KLF13: variants seen among roughly 807,000 people sequenced by gnomAD.
KLF13 encodes Krueppel-like factor 13.
A neutral mutation model predicts 16.7 loss-of-function variants in KLF13; 8 were observed. That is an observed-to-expected ratio of 0.48 (90% confidence interval 0.28 to 0.87). The LOEUF is 0.87. Ranked by LOEUF, KLF13 falls within the 40% of genes least tolerant of loss-of-function variation. The pLI, the probability that KLF13 is intolerant of heterozygous loss-of-function variation, is 0.10. For missense variants in KLF13, 447 were observed against 452.2 expected, an observed-to-expected ratio of 0.99 and a Z score of 0.10; for synonymous variants, 245 against 208.4, an observed-to-expected ratio of 1.18 and a Z score of -1.51.
At chr15:31,364,385 G>T (rs1365235141) in intron 1 of KLF13, among the ~76,000 whole-genome samples, 1 of 152,230 alleles carries the variant, frequency 6.6e-6, no homozygotes, top group Non-Finnish European at 1.5e-5. Flanking sequence ...GCCAGCTCTT[G>T]CATGTGAAGA....
At chr15:31,365,755 T>G (rs572518434) in intron 1 of KLF13, among the ~76,000 whole-genome samples, 11 of 152,172 alleles carry the variant, frequency 7.2e-5, no homozygotes, top group African/African-American at 2.6e-4. Flanking sequence ...GAGCTCAGGC[T>G]TTGAGCTGGA....
chr15:31,332,756 C>CA (rs562875927), intron 1 of KLF13, among the ~76,000 whole-genome samples: 36 of 152,268 alleles, frequency 2.4e-4, no homozygotes, highest in Admixed American at 2.2e-3. Context: ...TGGGGAAGGG[C>CA]AAAAGACATG....
At chr15:31,352,186 G>A (rs2039227592) in intron 1 of KLF13, among the ~76,000 whole-genome samples, 2 of 152,216 alleles carry the variant, frequency 1.3e-5, no homozygotes, top group Admixed American at 6.5e-5. Context: ...AGACTGTTCC[G>A]AATAGGCCTC....
At chr15:31,392,401 G>A (rs906904228), upstream of KLF13, among the ~76,000 whole-genome samples, 2 of 152,196 alleles carry the variant, frequency 1.3e-5, no homozygotes, top group African/African-American at 4.8e-5. Context: ...GGGACGGGGC[G>A]GCGGTGCTGA....
intron 1 of KLF13, among the ~76,000 whole-genome samples, chr15:31,358,574 T>C (rs895740705): frequency 6.6e-6 from 1 of 152,242 alleles, no homozygotes; most frequent in African/African-American, 2.4e-5. Context: ...TCAGATCTTT[T>C]GTTCATTTTT....
chr15:31,357,518 G>A (rs2039318142), intron 1 of KLF13, among the ~76,000 whole-genome samples: 1 of 152,238 alleles, frequency 6.6e-6, no homozygotes, highest in South Asian at 2.1e-4. Flanking sequence ...CAAGAGGAGT[G>A]TTCTGCTCCT....
chr15:31,380,702 A>G (rs963398932), downstream of KLF13, among the ~76,000 whole-genome samples: 1 of 151,960 alleles, frequency 6.6e-6, no homozygotes, highest in African/African-American at 2.4e-5. Flanking sequence ...CATTGGCACC[A>G]CTCCTAAAAA....
intron 1 of KLF13, among the ~76,000 whole-genome samples, chr15:31,355,154 GAAACA>G (rs2039280855): frequency 6.6e-6 from 1 of 152,154 alleles, no homozygotes; most frequent in African/African-American, 2.4e-5. Flanking sequence ...AACAACAACC[GAAACA>G]ATCAACAGTG....
At chr15:31,345,498 G>C (rs2039099908) in intron 1 of KLF13, among the ~76,000 whole-genome samples, 1 of 152,238 alleles carries the variant, frequency 6.6e-6, no homozygotes, top group African/African-American at 2.4e-5. Context: ...AGTGAGCACC[G>C]CGTGCCTAGC....
At chr15:31,386,127 A>G (rs778833479) in intron 1 of KLF13, among the ~76,000 whole-genome samples, 2 of 152,228 alleles carry the variant, frequency 1.3e-5, no homozygotes, top group Non-Finnish European at 2.9e-5. Flanking sequence ...TTTCAATTCT[A>G]CAAAGGCTAA....
chr15:31,368,376 G>C (rs1037863854), intron 1 of KLF13, among the ~76,000 whole-genome samples: 1 of 152,080 alleles, frequency 6.6e-6, no homozygotes, highest in Admixed American at 6.5e-5. Context: ...TCCAAGAGTG[G>C]AATTATCATG....
chr15:31,419,071 A>C (rs1223734949), intron 1 of KLF13, among the ~76,000 whole-genome samples: 1 of 152,216 alleles, frequency 6.6e-6, no homozygotes, highest in Non-Finnish European at 1.5e-5. Context: ...GCATACAATC[A>C]TGGTGGAAGG....
At chr15:31,429,171 A>G (rs889014571) in intron 1 of KLF13, among the ~76,000 whole-genome samples, 1 of 147,544 alleles carries the variant, frequency 6.8e-6, no homozygotes, top group African/African-American at 2.7e-5. Context: ...GTGACAGTGC[A>G]GAGCAGCAGG....
chr15:31,401,401 G>A (rs1314525317), intron 2 of KLF13, among the ~76,000 whole-genome samples: 4 of 152,230 alleles, frequency 2.6e-5, no homozygotes, highest in Non-Finnish European at 1.5e-5. Context: ...CGGGTGGGGT[G>A]TAACATCCCA....
intron 1 of KLF13, among the ~76,000 whole-genome samples, chr15:31,417,947 T>G (rs1307089978): frequency 6.6e-6 from 1 of 152,060 alleles, no homozygotes; most frequent in Non-Finnish European, 1.5e-5. Context: ...CCTAACAAAC[T>G]TTACCTTTTT....
intron 1 of KLF13, among the ~76,000 whole-genome samples, chr15:31,434,203 T>TGGGGAAATGAGGCTCAGAG (rs1249954122): frequency 6.6e-6 from 1 of 152,068 alleles, no homozygotes; most frequent in Non-Finnish European, 1.5e-5. Flanking sequence ...ATTCTACGGA[T>TGGGGAAATGAGGCTCAGAG]GGGGAAATGA....
At chr15:31,331,908 A>C (rs1243859780) in intron 1 of KLF13, among the ~76,000 whole-genome samples, 1 of 152,212 alleles carries the variant, frequency 6.6e-6, no homozygotes, top group Admixed American at 6.5e-5. Flanking sequence ...CAAGTATCTC[A>C]CTGCTGGCAT....
downstream of KLF13, among the ~76,000 whole-genome samples, chr15:31,408,105 G>A (rs1437686558): frequency 6.6e-6 from 1 of 152,122 alleles, no homozygotes; most frequent in Non-Finnish European, 1.5e-5. Context: ...TGACAAAATG[G>A]TACATCTGGA....
chr15:31,364,796 C>A (rs967748675), intron 1 of KLF13, among the ~76,000 whole-genome samples: 1 of 152,252 alleles, frequency 6.6e-6, no homozygotes, highest in Non-Finnish European at 1.5e-5. Flanking sequence ...GAGCTTCCAA[C>A]CTGGACTTCC....
Sources: allele counts gnomAD v4.1 joint callset (sites outside exome capture counted in the v4.1 genomes callset), GRCh38; gene constraint gnomAD v4.1.1; transcripts MANE v1.5; gene names NCBI Gene and HGNC (gene_info 2026-07-23, HGNC 2026-07-21).